The following SETD1A variants were observed in gnomAD, a reference collection of about 807,000 sequenced individuals.
SETD1A encodes the protein SET domain containing 1A, histone lysine methyltransferase.
A neutral mutation model predicts 149.9 loss-of-function variants in SETD1A; 29 were observed. The ratio of observed to expected loss-of-function variants is 0.19; its 90% CI spans 0.14 to 0.26. The LOEUF (loss-of-function observed/expected upper bound fraction) is 0.26, where lower values mean the gene tolerates loss of function less well. Ranked by LOEUF, SETD1A falls within the 10% of genes least tolerant of loss-of-function variation. SETD1A has a pLI of 1.00. For missense variants in SETD1A, 2,109 were observed against 2,353.1 expected (o/e 0.90, Z 2.15); for synonymous variants, 1,141 against 968.5 (o/e 1.18, Z -3.31).
In SETD1A at chr16:30,966,317, C is replaced by T. The variant is rs753592835; in HGVS notation, c.2436C>T (p.Arg812=). 6.2e-7 allele frequency: 1 copy of T among 1,613,838 alleles called. No individual in the cohort carries two copies. Among genetic ancestry groups the T allele is most frequent in the Non-Finnish European group, 8.5e-7 (1 of 1,179,996 alleles). ...GCATCATGCAGCGAGACCTCAACCG[C>T]AAGATGGTGGAGAACGTGGCCTTCG... is the stretch of plus-strand genomic sequence containing the variant. ...MKSIMQRDLN[R]KMVENVAFGA... Residue 812 remains arginine (R), a synonymous_variant, in exon 8 of 19, where the codon CGC becomes CGT. Transcript: ENST00000262519.
At position 30,964,662 on chromosome 16, in the gene SETD1A, A is replaced by C. The variant is rs1283368708; in HGVS notation, c.920A>C (p.Asp307Ala). 1 of 1,613,750 alleles carries C rather than the reference A, an allele frequency of 6.2e-7. No homozygotes were observed. The highest frequency in any genetic ancestry group is 8.5e-7 in the Non-Finnish European group (1 of 1,180,010). ...KPRRSENSYQ[D>A]AFSRRHFSAS... Reference sequence around the variant, plus strand: ...CGGCGGTCAGAGAACAGCTACCAAGATGCCTTTTCCCGCCGCCACTTCTCT... The same window carrying C: ...CGGCGGTCAGAGAACAGCTACCAAGCTGCCTTTTCCCGCCGCCACTTCTCT... Residue 307 changes from aspartate to alanine, a missense_variant, in exon 7 of 19, where the codon GAT (aspartate) becomes GCT (alanine). Asp to Ala is a moderately radical substitution (Grantham distance 126, BLOSUM62 -2). This residue lies in a region of SETD1A where 410 missense variants were observed against 394.8 expected (regional missense o/e 1.04). Transcript: ENST00000262519.
chr16:30,968,442 A>G (rs2056179346), intron 10 of SETD1A, among the ~76,000 whole-genome samples: 1 of 151,460 alleles, frequency 6.6e-6, no homozygotes, highest in Non-Finnish European at 1.5e-5. Flanking sequence ...ATATGTACAC[A>G]CACATATGTA....
rs754959440 is a variant in SETD1A, at chr16:30,964,243, C to A, written c.789C>A (p.Phe263Leu). ...RQDTPSSFGQ[F>L]TPQSSQGTPY... is the part of the protein sequence containing the mutation. ...ATACCCCATCTTCCTTTGGCCAGTT[C>A]ACACCTCAGTCCTCCCAAGGAACCC... Residue 263 changes from phenylalanine to leucine, a missense_variant, in exon 6 of 19, where the codon TTC becomes TTA. This residue lies in a region of SETD1A where 410 missense variants were observed against 394.8 expected (regional missense o/e 1.04). Coordinates refer to ENST00000262519, the MANE Select transcript of SETD1A (RefSeq NM_014712.3). 1 of 1,614,050 alleles carries A rather than the reference C, an allele frequency of 6.2e-7. No individual in the cohort carries two copies. Among genetic ancestry groups the A allele is most frequent in the Non-Finnish European group, 8.5e-7 (1 of 1,179,990 alleles).
At chr16:30,966,434 A>T (rs761562904) in intron 8 of SETD1A, 48 bp downstream of exon 8, 2 of 1,547,062 alleles carry the variant, frequency 1.3e-6, no homozygotes, top group Admixed American at 3.9e-5. Flanking sequence ...TGCAGGAGGA[A>T]ATGGGCCTCT....
At position 30,959,510 on chromosome 16, in the gene SETD1A, C is replaced by T. The variant is rs188055972; in HGVS notation, c.246+324C>T. Among the ~76,000 whole-genome samples, 3 of 152,240 alleles carry T rather than the reference C, an allele frequency of 2.0e-5. No individual in the cohort carries two copies. In the East Asian group the frequency reaches 5.8e-4, roughly 29 times the overall value. ...ACACAAGAGTGGGATCTCCCAGTTCCTTGACAGTCAAGGGGAGTGACAAGG... is the reference window on the plus strand; with the variant it reads ...ACACAAGAGTGGGATCTCCCAGTTCTTTGACAGTCAAGGGGAGTGACAAGG... On this transcript the variant is annotated intron_variant, in intron 3 of 18. Coordinates refer to ENST00000262519, the MANE Select transcript of SETD1A (RefSeq NM_014712.3).
rs1029444519 is a variant in SETD1A at position 30,984,327 on chromosome 16, TG to T, written c.*310del. 1.0e-5 allele frequency: 4 copies of T among 394,094 alleles called. No homozygotes were observed. The highest frequency in any genetic ancestry group is 6.1e-5 in the African/African-American group (3 of 49,180). 24.4% of individuals were successfully genotyped at this position (394,094 alleles called of 1,614,324 possible). A position where few individuals can be genotyped will look rare whatever the true frequency, so the allele number is the denominator to read the frequency against. On this transcript the variant is annotated 3_prime_UTR_variant, in exon 19 of 19. Coordinates refer to ENST00000262519, the MANE Select transcript of SETD1A (RefSeq NM_014712.3). ...GTGCCGGCCTGTACAGATTCTGTCC[TG>T]GGGGGCTACACAGTCCTCTTGCTTT...
At position 30,979,151 on chromosome 16, in the gene SETD1A, C is replaced by G; in HGVS notation, c.3365C>G (p.Thr1122Arg). The change falls in exon 14 of 19, where the codon ACG (threonine) becomes AGG (arginine). Residue 1122 changes from threonine to arginine, a missense_variant. Physicochemically the swap from Thr to Arg is moderately conservative, Grantham distance 71 (BLOSUM62 -1). Transcript: ENST00000262519. Reference sequence around the variant, plus strand: ...CTATGTGCTTCCTTCCCAGGCCCCACGGAGGAGTCACCCCCCAGTGCGCCT... The same window carrying G: ...CTATGTGCTTCCTTCCCAGGCCCCAGGGAGGAGTCACCCCCCAGTGCGCCT... ...EASPARPAGP[T>R]EESPPSAPLR... 3 of 1,564,236 alleles carry G rather than the reference C, an allele frequency of 1.9e-6. No homozygotes were observed. Among genetic ancestry groups the G allele is most frequent in the Non-Finnish European group, 2.6e-6 (3 of 1,155,238 alleles).
At chr16:30,981,255 T>A in intron 17 of SETD1A, 75 bp downstream of exon 17, 2 of 1,582,444 alleles carry the variant, frequency 1.3e-6, no homozygotes, top group Non-Finnish European at 1.7e-6. Flanking sequence ...ACATGCTGTT[T>A]GTCCGGTTAA....
Position 30,979,947 on chromosome 16 carries a change from C to A in SETD1A, c.4161C>A (p.Gly1387=). 1 of 1,533,396 alleles carries A rather than the reference C, an allele frequency of 6.5e-7. No homozygotes were observed. 95.0% of individuals were successfully genotyped at this position (1,533,396 alleles called of 1,614,324 possible). Residue 1387 remains glycine (G), a synonymous_variant, in exon 14 of 19, where the codon GGC becomes GGA. Coordinates refer to ENST00000262519, the MANE Select transcript of SETD1A (RefSeq NM_014712.3). The stretch of plus-strand genomic sequence containing the variant: ...GCAGCAGCAGCAGCGATGGGGAGGG[C>A]GCCCTCCGGAGGCGCAGCCTCCGCT... ...SDSSSSSDGE[G]ALRRRSLRSH...
At chr16:30,977,625 G>T (rs1276612469) in intron 13 of SETD1A, among the ~76,000 whole-genome samples, 1 of 152,242 alleles carries the variant, frequency 6.6e-6, no homozygotes, top group Admixed American at 6.5e-5. Flanking sequence ...CCCCAGCGTG[G>T]TGGGGAGGAA....
At position 30,961,008 on chromosome 16, in the gene SETD1A, G is replaced by A. The variant is rs1288319560; in HGVS notation, c.247-259G>A. Reference sequence around the variant, plus strand: ...TCCGTCCACCTCATCCTCCCAAAGTGTTGGGATTATAAGTGTGAGCTGCCA... The same window carrying A: ...TCCGTCCACCTCATCCTCCCAAAGTATTGGGATTATAAGTGTGAGCTGCCA... On this transcript the variant is annotated intron_variant, in intron 3 of 18. Coordinates refer to ENST00000262519, the MANE Select transcript of SETD1A (RefSeq NM_014712.3). The surrounding 1 kb of genome is among the most constrained non-coding windows in gnomAD (Gnocchi z 4.0). 6.6e-6 allele frequency among the ~76,000 whole-genome samples: 1 copy of A among 152,032 alleles called. No homozygotes were observed. Among genetic ancestry groups the A allele is most frequent in the East Asian group, 1.9e-4 (1 of 5,180 alleles).
rs1204565169 is a variant in SETD1A, at chr16:30,964,315, C to T, written c.861C>T (p.Tyr287=). ...GSTPYSQDSA[Y]SSSTTSTSFK... Reference sequence around the variant, plus strand: ...CCCCCTACTCTCAGGACTCTGCCTACTCCAGCAGGTACAGAGCAGACCCCG... The same window carrying T: ...CCCCCTACTCTCAGGACTCTGCCTATTCCAGCAGGTACAGAGCAGACCCCG... The change falls in exon 6 of 19, where the codon TAC becomes TAT. Residue 287 remains tyrosine (Y), a synonymous_variant. Coordinates refer to ENST00000262519, the MANE Select transcript of SETD1A (RefSeq NM_014712.3). 6.2e-7 allele frequency: 1 copy of T among 1,613,182 alleles called. No homozygotes were observed. Among genetic ancestry groups the T allele is most frequent in the East Asian group, 2.2e-5 (1 of 44,882 alleles).
intron 9 of SETD1A, 138 bp downstream of exon 9, chr16:30,967,198 G>C: frequency 1.4e-6 from 1 of 692,544 alleles, no homozygotes; most frequent in Non-Finnish European, 2.4e-6. Context: ...CTGTTGCCCA[G>C]GCTGGAGTGC....
intron 9 of SETD1A, 33 bp from the exon 10 acceptor site, chr16:30,967,468 C>G (rs750586314): frequency 6.2e-7 from 1 of 1,603,280 alleles, no homozygotes; most frequent in African/African-American, 1.3e-5. Flanking sequence ...TGTTTGAGCT[C>G]TAAACAGGCC....
chr16:30,974,394 TG>T (rs549694447), intron 13 of SETD1A, among the ~76,000 whole-genome samples: 4 of 150,654 alleles, frequency 2.7e-5, no homozygotes, highest in African/African-American at 9.8e-5. Context: ...GGTAGGCGAG[TG>T]GGGGGAGAGA....
Position 30,980,988 on chromosome 16 carries a change from G to A in SETD1A, c.4693-73G>A, listed in dbSNP as rs973266034. 80 of 1,596,446 alleles carry A rather than the reference G, an allele frequency of 5.0e-5. No homozygotes were observed. The highest frequency in any genetic ancestry group is 6.5e-5 in the Non-Finnish European group (76 of 1,167,964). ...AGCAGCCAGAACACCCTCTGCCCAG[G>A]AAGTCTGTGGGAAGAGTGAGGGTCT... On this transcript the variant is annotated intron_variant, in intron 16 of 18. Coordinates refer to ENST00000262519, the MANE Select transcript of SETD1A (RefSeq NM_014712.3). The surrounding 1 kb of genome is among the most constrained non-coding windows in gnomAD (Gnocchi z 7.7).
chr16:30,963,459 C>T lies in SETD1A; in HGVS notation c.544C>T (p.Leu182=). The stretch of plus-strand genomic sequence containing the variant: ...ACAACAACGAATGAAATACTATGAA[C>T]TAATTGTCAATGGCTCCTACACCCC... ...KGQQRMKYYE[L]IVNGSYTPQT... is the part of the protein sequence containing the mutation. Residue 182 remains leucine (L), a synonymous_variant, in exon 5 of 19, where the codon CTA becomes TTA. Coordinates refer to ENST00000262519, the MANE Select transcript of SETD1A (RefSeq NM_014712.3). The T allele has an allele frequency of 6.2e-7, 1 of 1,612,044 alleles. No homozygotes were observed. Among genetic ancestry groups the T allele is most frequent in the East Asian group, 2.2e-5 (1 of 44,720 alleles).
Position 30,961,563 on chromosome 16 carries a change from AG to A in SETD1A, c.517+28del. The A allele has an allele frequency of 6.2e-7, 1 of 1,608,808 alleles. No homozygotes were observed. Among genetic ancestry groups the A allele is most frequent in the Non-Finnish European group, 8.5e-7 (1 of 1,178,352 alleles). ...GTGAGGACTCCTCTGCCTGCCACTC[AG>A]GCTTGGCCTCCAGCGGAGGTTGTAC... On this transcript the variant is annotated intron_variant, in intron 4 of 18. Transcript: ENST00000262519. This position sits in a 1 kb window ranked among gnomAD's most constrained non-coding sequence, Gnocchi z 4.0.
At chr16:30,973,036 G>A (rs2056244117) in intron 13 of SETD1A, among the ~76,000 whole-genome samples, 1 of 152,110 alleles carries the variant, frequency 6.6e-6, no homozygotes, top group Non-Finnish European at 1.5e-5. Flanking sequence ...CGTGTGCAAA[G>A]GCCCTCCAGC....
Sources: allele counts gnomAD v4.1 joint callset (sites outside exome capture counted in the v4.1 genomes callset), GRCh38; gene constraint gnomAD v4.1.1; regional missense constraint gnomAD v4.1.1; non-coding constraint Gnocchi (gnomAD v3.1); transcripts MANE v1.5; gene names NCBI Gene and HGNC (gene_info 2026-07-23, HGNC 2026-07-21).